Variants in CYRIB observed in about 807,000 individuals in gnomAD.
CYRIB encodes CYFIP related Rac1 interactor B.
A neutral mutation model predicts 44.2 loss-of-function variants in CYRIB; 8 were observed. The observed-to-expected ratio is 0.18, with a 90% CI of 0.11 to 0.33. CYRIB has a LOEUF of 0.33. CYRIB is among the 10% of genes least tolerant of loss of function. CYRIB has a pLI of 1.00. For synonymous variants in CYRIB, 131 were observed against 127.2 expected (o/e 1.03, Z -0.20); for missense variants, 185 against 382.8 (o/e 0.48, Z 4.31).
intron 1 of CYRIB, among the ~76,000 whole-genome samples, chr8:129,913,098 C>T (rs1589555007): frequency 6.6e-6 from 1 of 151,466 alleles, no homozygotes; most frequent in Admixed American, 6.6e-5. Flanking sequence ...CAGCCTCCCA[C>T]GTAGCTGGGA....
At chr8:129,982,132 G>A (rs1245071792) in intron 1 of CYRIB, among the ~76,000 whole-genome samples, 1 of 152,182 alleles carries the variant, frequency 6.6e-6, no homozygotes, top group Non-Finnish European at 1.5e-5. Context: ...CAACCAAGAT[G>A]GCTGGTCACT....
intron 1 of CYRIB, among the ~76,000 whole-genome samples, chr8:130,006,674 G>GTGTATATATATGTA (rs1564802479): frequency 1.8e-3 from 59 of 33,116 alleles, no homozygotes; most frequent in African/African-American, 7.3e-3. Flanking sequence ...ATATATATAT[G>GTGTATATATATGTA]TATATATATA....
chr8:130,000,224 G>C (rs575048834), intron 1 of CYRIB, among the ~76,000 whole-genome samples: 2 of 152,160 alleles, frequency 1.3e-5, no homozygotes, highest in African/African-American at 4.8e-5. Context: ...AGAGAAAGGT[G>C]GGGTAAGGGA....
intron 1 of CYRIB, among the ~76,000 whole-genome samples, chr8:129,984,185 C>A (rs1428134666): frequency 6.6e-6 from 1 of 152,222 alleles, no homozygotes; most frequent in Non-Finnish European, 1.5e-5. Flanking sequence ...TAACAGTCCC[C>A]TGCCTCTCTC....
intron 1 of CYRIB, among the ~76,000 whole-genome samples, chr8:129,977,158 A>G (rs911290386): frequency 6.6e-6 from 1 of 152,152 alleles, no homozygotes; most frequent in African/African-American, 2.4e-5. Flanking sequence ...AAGAGGTTTC[A>G]TGAAGGCCAT....
chr8:129,848,248 A>T (rs2131319912), intron 10 of CYRIB, among the ~76,000 whole-genome samples: 1 of 152,342 alleles, frequency 6.6e-6, no homozygotes, highest in East Asian at 1.9e-4. Flanking sequence ...AGTAAATATT[A>T]ACTCATTTCT....
At chr8:129,877,137 A>G (rs1318259638) in intron 3 of CYRIB, among the ~76,000 whole-genome samples, 1 of 152,234 alleles carries the variant, frequency 6.6e-6, no homozygotes, top group Non-Finnish European at 1.5e-5. Context: ...CTAAAAATCT[A>G]AATAAGAAAT....
chr8:129,898,694 A>G (rs1048071648), intron 2 of CYRIB, among the ~76,000 whole-genome samples: 1 of 152,200 alleles, frequency 6.6e-6, no homozygotes, highest in African/African-American at 2.4e-5. Flanking sequence ...ATACAAAAAC[A>G]TATTTTTCTT....
chr8:129,933,099 G>C (rs1372803234), intron 1 of CYRIB, among the ~76,000 whole-genome samples: 1 of 152,138 alleles, frequency 6.6e-6, no homozygotes, highest in Non-Finnish European at 1.5e-5. Flanking sequence ...TAAACTAAAA[G>C]AAATGGTGTA....
chr8:129,993,941 C>T (rs184166453), intron 1 of CYRIB, among the ~76,000 whole-genome samples: 7 of 152,136 alleles, frequency 4.6e-5, no homozygotes, highest in Admixed American at 4.6e-4. Context: ...TGGACACCAT[C>T]ATCCAGTTGT....
At chr8:130,002,354 G>T (rs924717363) in intron 1 of CYRIB, among the ~76,000 whole-genome samples, 1 of 151,516 alleles carries the variant, frequency 6.6e-6, no homozygotes. Context: ...CCAGCTGCTC[G>T]GGACGCTGAG....
chr8:129,917,527 C>A (rs1380692501), intron 1 of CYRIB, among the ~76,000 whole-genome samples: 3 of 152,150 alleles, frequency 2.0e-5, no homozygotes, highest in African/African-American at 7.2e-5. Flanking sequence ...AGATCTCAGG[C>A]TGACTCAATT....
intron 1 of CYRIB, among the ~76,000 whole-genome samples, chr8:130,000,794 A>T (rs1313139018): frequency 6.6e-6 from 1 of 152,108 alleles, no homozygotes; most frequent in Non-Finnish European, 1.5e-5. Context: ...AGGTGGGAGG[A>T]TCCCTGGAGC....
At chr8:130,005,279 G>A (rs1377780683) in intron 1 of CYRIB, among the ~76,000 whole-genome samples, 2 of 152,114 alleles carry the variant, frequency 1.3e-5, no homozygotes, top group African/African-American at 2.4e-5. Context: ...AGCCCAGCTC[G>A]GATCAGAACA....
chr8:129,873,456 T>G (rs533665999), intron 3 of CYRIB, among the ~76,000 whole-genome samples: 1 of 152,110 alleles, frequency 6.6e-6, no homozygotes, highest in South Asian at 2.1e-4. Flanking sequence ...GCACACTTCA[T>G]AACTTTTATA....
chr8:129,968,573 G>A (rs1008369560), intron 2 of CYRIB, among the ~76,000 whole-genome samples: 2 of 152,162 alleles, frequency 1.3e-5, no homozygotes, highest in Admixed American at 1.3e-4. Context: ...CTGTGGGAGT[G>A]CTGTTAGGTA....
At chr8:129,846,137 A>T (rs1277250911) in intron 11 of CYRIB, among the ~76,000 whole-genome samples, 1 of 152,228 alleles carries the variant, frequency 6.6e-6, no homozygotes, top group Non-Finnish European at 1.5e-5. Flanking sequence ...AACTCTAAAT[A>T]ACGAAATAAT....
intron 1 of CYRIB, among the ~76,000 whole-genome samples, chr8:129,974,151 G>A (rs1221214565): frequency 1.3e-5 from 2 of 152,166 alleles, no homozygotes; most frequent in African/African-American, 4.8e-5. Context: ...ACAGCACTCT[G>A]TAGGAGACTC....
At chr8:129,858,006 A>G (rs1166774589) in intron 5 of CYRIB, among the ~76,000 whole-genome samples, 2 of 152,198 alleles carry the variant, frequency 1.3e-5, no homozygotes, top group Admixed American at 1.3e-4. Context: ...TTGTCTATGA[A>G]TGGCTGAGGC....
Sources: gnomAD v4.1 joint callset for allele counts (sites outside exome capture counted in the v4.1 genomes callset) on GRCh38, gnomAD v4.1.1 for gene constraint, MANE v1.5 for transcripts, NCBI Gene and HGNC (gene_info 2026-07-23, HGNC 2026-07-21) for gene names.